Variants in PTPRC observed in about 807,000 individuals in gnomAD.
The protein encoded by PTPRC is receptor-type tyrosine-protein phosphatase C.
A neutral mutation model predicts 155.9 loss-of-function variants in PTPRC; 44 were observed. The observed-to-expected ratio is 0.28, with a 90% CI of 0.22 to 0.36. The LOEUF is 0.36. Among genes scored for constraint, PTPRC ranks in the 10% least tolerant of loss-of-function variants. The probability of loss-of-function intolerance (pLI) is 1.00; values close to 1 mark genes in which losing one functional copy is unlikely to be tolerated. For missense variants in PTPRC, 1,401 were observed against 1,564.6 expected (o/e 0.90, Z 1.76); for synonymous variants, 525 against 533.1 (o/e 0.98, Z 0.21).
rs575406895 is a variant in PTPRC at position 198,705,575 on chromosome 1, C to T, written c.685+1077C>T. ...AGCTGGGACTATAGGCACATGCCAC[C>T]GAGCCCAGCTGATTTTTGTATTTTT... On this transcript the variant is annotated intron_variant, in intron 8 of 32. Transcript: ENST00000442510. Among the ~76,000 whole-genome samples the T allele has an allele frequency of 1.7e-4, 26 of 151,940 alleles. No homozygotes were observed. The South Asian group carries it at 3.3e-3, about 19-fold the overall frequency.
At chr1:198,728,478 T>A (rs1558026346) in intron 16 of PTPRC, 30 bp downstream of exon 16, 1 of 1,606,856 alleles carries the variant, frequency 6.2e-7, no homozygotes, top group Non-Finnish European at 8.5e-7. Flanking sequence ...TTTTAAATAA[T>A]AATGGTATTA....
At chr1:198,713,150 G>A in intron 12 of PTPRC, 78 bp downstream of exon 12, 1 of 1,595,480 alleles carries the variant, frequency 6.3e-7, no homozygotes, top group Non-Finnish European at 8.6e-7. Flanking sequence ...TATTGAGCCA[G>A]TGAGTCACAA....
chr1:198,731,688 A>G lies in PTPRC; in HGVS notation c.1936A>G (p.Ile646Val). 1 of 1,611,138 alleles carries G rather than the reference A, an allele frequency of 6.2e-7. No individual in the cohort carries two copies. The highest frequency in any genetic ancestry group is 1.7e-4 in the Middle Eastern group (1 of 6,042). Residue 646 changes from isoleucine (I) to valine (V), a missense_variant, in exon 18 of 33, where the codon ATT becomes GTT. By Grantham distance (29) the Ile-to-Val change is conservative (BLOSUM62 3). Around this residue, in one of 3 missense-constraint regions of PTPRC, gnomAD observed 867 missense variants for 970.4 expected, o/e 0.89. Coordinates refer to ENST00000442510, the MANE Select transcript of PTPRC (RefSeq NM_002838.5). Reference protein sequence around the residue: ...DILLETYKRKIADEGRLFLAE... With the variant: ...DILLETYKRKVADEGRLFLAE... The stretch of plus-strand genomic sequence containing the variant: ...TTTGTTGGAAACTTATAAGAGGAAG[A>G]TTGCTGATGAAGGAAGACTTTTTCT...
intron 11 of PTPRC, 111 bp from the exon 12 acceptor site, chr1:198,712,842 A>C (rs1432056339): frequency 3.3e-6 from 4 of 1,202,614 alleles, no homozygotes; most frequent in Non-Finnish European, 4.8e-6. Flanking sequence ...TTTTATTTTG[A>C]ATTCATCATT....
chr1:198,693,469 A>G (rs534958234), intron 3 of PTPRC, among the ~76,000 whole-genome samples: 2 of 152,174 alleles, frequency 1.3e-5, no homozygotes, highest in African/African-American at 4.8e-5. Flanking sequence ...TTTTGCAGGA[A>G]AGGGATAGGT....
intron 2 of PTPRC, among the ~76,000 whole-genome samples, chr1:198,670,272 A>C (rs975887051): frequency 6.6e-6 from 1 of 152,172 alleles, no homozygotes; most frequent in Non-Finnish European, 1.5e-5. Flanking sequence ...AAAAATCTCC[A>C]TGATGAAATA....
chr1:198,675,478 CT>C (rs1252638805), intron 2 of PTPRC, among the ~76,000 whole-genome samples: 12 of 152,180 alleles, frequency 7.9e-5, no homozygotes, highest in East Asian at 1.9e-4. Context: ...GATCTTCCCC[CT>C]GACTAGGTTT....
intron 3 of PTPRC, chr1:198,692,980 A>T: frequency 1.1e-6 from 1 of 934,208 alleles, no homozygotes; most frequent in Non-Finnish European, 1.3e-6. Context: ...AGAAAAAATT[A>T]AATTGCAGAT....
At chr1:198,730,284 G>A (rs935285200) in intron 17 of PTPRC, among the ~76,000 whole-genome samples, 2 of 152,040 alleles carry the variant, frequency 1.3e-5, no homozygotes, top group Non-Finnish European at 2.9e-5. Flanking sequence ...AGAAACTTTA[G>A]GGCTGAATCT....
Position 198,730,586 on chromosome 1 carries a change from A to G in PTPRC, c.1865-1031A>G, listed in dbSNP as rs192358477. On this transcript the variant is annotated intron_variant, in intron 17 of 32. Transcript: ENST00000442510. ...TACAATCAGTAATAAACACCTGAGC[A>G]GAACAGGAAAATCCATCTCAAGGAG... 4.6e-5 allele frequency among the ~76,000 whole-genome samples: 7 copies of G among 152,268 alleles called. No individual in the cohort carries two copies. The East Asian group carries it at 1.4e-3, about 29-fold the overall frequency.
chr1:198,737,300 C>A lies in PTPRC; in HGVS notation c.2403+2048C>A, dbSNP rs77498621. Among the ~76,000 whole-genome samples the A allele has an allele frequency of 1.7e-3, 265 of 151,720 alleles. 6 individuals carry two copies. In the East Asian group the frequency reaches 0.043, roughly 25 times the overall value. On this transcript the variant is annotated intron_variant, in intron 23 of 32. Transcript: ENST00000442510. ...CCCTGGAGAGTTTCCCCAACATTTT[C>A]TTTTAGTAGTTTCATAGATTAAGGT...
chr1:198,741,584 A>G (rs150687462), intron 23 of PTPRC, among the ~76,000 whole-genome samples: 161 of 151,950 alleles, frequency 1.1e-3, no homozygotes, highest in African/African-American at 3.7e-3. Context: ...AATTTTGGTT[A>G]TACTTTTAAA....
At chr1:198,655,386 T>A (rs1175298850) in intron 2 of PTPRC, among the ~76,000 whole-genome samples, 1 of 151,996 alleles carries the variant, frequency 6.6e-6, no homozygotes, top group Non-Finnish European at 1.5e-5. Flanking sequence ...AAAAAGAAAA[T>A]TGAAACTCAT....
intron 2 of PTPRC, among the ~76,000 whole-genome samples, chr1:198,655,883 T>C (rs1663535704): frequency 1.3e-5 from 2 of 152,070 alleles, no homozygotes; most frequent in South Asian, 4.1e-4. Context: ...ACAAACTTCA[T>C]TGAAATAATT....
rs544164220 is a variant in PTPRC, at chr1:198,679,923, C to G, written c.74-12424C>G. The G allele has an allele frequency of 3.8e-5, 23 of 610,396 alleles. No homozygotes were observed. The Admixed American group carries it at 6.1e-4, about 16-fold the overall frequency. 37.8% of individuals were successfully genotyped at this position (610,396 alleles called of 1,614,324 possible). A position where few individuals can be genotyped will look rare whatever the true frequency, so the allele number is the denominator to read the frequency against. On this transcript the variant is annotated intron_variant, in intron 2 of 32. Transcript: ENST00000442510. ...GTCTGTTAACCTAGGTGGGCGTCAG[C>G]ACTTTGCCCAGCTCGTCCACCGTCG...
In PTPRC at chr1:198,728,402, C is replaced by T. The variant is rs751560682; in HGVS notation, c.1783C>T (p.Leu595Phe). 1.9e-6 allele frequency: 3 copies of T among 1,612,936 alleles called. No individual in the cohort carries two copies. Among genetic ancestry groups the T allele is most frequent in the Middle Eastern group, 1.7e-4 (1 of 6,052 alleles). Residue 595 changes from leucine to phenylalanine, a missense_variant, in exon 16 of 33, where the codon CTT (leucine) becomes TTT (phenylalanine). Around this residue, in one of 3 missense-constraint regions of PTPRC, gnomAD observed 867 missense variants for 970.4 expected, o/e 0.89. Transcript: ENST00000442510. ...FLIIVTSIALLVVLYKIYDLH... is the reference protein window; with the variant it reads ...FLIIVTSIALFVVLYKIYDLH... Reference sequence around the variant, plus strand: ...GATTATTGTGACATCAATAGCCCTGCTTGTTGTTCTCTACAAAATCTATGA... The same window carrying T: ...GATTATTGTGACATCAATAGCCCTGTTTGTTGTTCTCTACAAAATCTATGA...
intron 26 of PTPRC, among the ~76,000 whole-genome samples, chr1:198,746,346 C>T (rs748690079): frequency 8.6e-5 from 13 of 151,698 alleles, no homozygotes; most frequent in South Asian, 6.2e-4. Flanking sequence ...AAGGAGAACA[C>T]GTATCTTTTC....
intron 6 of PTPRC, among the ~76,000 whole-genome samples, chr1:198,702,746 G>A (rs1666526784): frequency 6.6e-6 from 1 of 152,076 alleles, no homozygotes; most frequent in Admixed American, 6.6e-5. Context: ...AAAAGTCCAT[G>A]GCAAAGAAGA....
chr1:198,641,260 T>C (rs1222248000), intron 2 of PTPRC, among the ~76,000 whole-genome samples: 1 of 152,094 alleles, frequency 6.6e-6, no homozygotes, highest in Non-Finnish European at 1.5e-5. Context: ...AAACATTTTG[T>C]GATTTAATGT....
Sources: allele counts gnomAD v4.1 joint callset (sites outside exome capture counted in the v4.1 genomes callset), GRCh38; gene constraint gnomAD v4.1.1; regional missense constraint gnomAD v4.1.1; transcripts MANE v1.5; gene names NCBI Gene and HGNC (gene_info 2026-07-23, HGNC 2026-07-21).